The following CDH18 variants were observed in gnomAD, a reference collection of about 807,000 sequenced individuals.
CDH18 encodes the protein cadherin 18.
Under a neutral mutation model 67.9 loss-of-function variants are expected in CDH18, and 31 were observed. The ratio of observed to expected loss-of-function variants is 0.46; its 90% confidence interval spans 0.34 to 0.62. The LOEUF (loss-of-function observed/expected upper bound fraction) is 0.62, where lower values mean the gene tolerates loss of function less well. Ranked by LOEUF, CDH18 falls within the 20% of genes least tolerant of loss-of-function variation. The pLI, the probability that CDH18 is intolerant of heterozygous loss-of-function variation, is 0.01. For missense variants in CDH18, 890 were observed against 975.5 expected (o/e 0.91, Z 1.17); for synonymous variants, 362 against 347.2 (o/e 1.04, Z -0.48).
chr5:19,866,596 A>C (rs1785538127), intron 2 of CDH18, among the ~76,000 whole-genome samples: 3 of 152,002 alleles, frequency 2.0e-5, no homozygotes. Context: ...GGAAAGGTGC[A>C]GAAAAAGAAA....
At chr5:19,819,959 C>G (rs1779692273) in intron 3 of CDH18, among the ~76,000 whole-genome samples, 1 of 152,120 alleles carries the variant, frequency 6.6e-6, no homozygotes, top group Admixed American at 6.6e-5. Flanking sequence ...TTCCAGTGGC[C>G]TGAGAGCAGT....
intron 4 of CDH18, among the ~76,000 whole-genome samples, chr5:19,729,502 T>G (rs1182022211): frequency 1.3e-5 from 2 of 152,214 alleles, no homozygotes; most frequent in Non-Finnish European, 2.9e-5. Flanking sequence ...TACAATATTT[T>G]CTGCCTTTTT....
intron 3 of CDH18, among the ~76,000 whole-genome samples, chr5:19,812,431 C>T (rs948242490): frequency 2.6e-5 from 4 of 152,072 alleles, no homozygotes; most frequent in African/African-American, 9.7e-5. Flanking sequence ...GAAATTTGAA[C>T]ATTCTATGTC....
intron 1 of CDH18, among the ~76,000 whole-genome samples, chr5:20,492,470 G>A (rs1410942502): frequency 6.6e-6 from 1 of 152,076 alleles, no homozygotes. Flanking sequence ...TTGTGGAAAT[G>A]TTAAAAGGAA....
intron 8 of CDH18, among the ~76,000 whole-genome samples, chr5:19,558,106 T>G (rs1652673927): frequency 6.6e-6 from 1 of 152,008 alleles, no homozygotes; most frequent in Non-Finnish European, 1.5e-5. Flanking sequence ...ATGACAATAG[T>G]GACATGACCT....
At chr5:20,565,143 C>T (rs1030543263) in intron 1 of CDH18, among the ~76,000 whole-genome samples, 1 of 152,144 alleles carries the variant, frequency 6.6e-6, no homozygotes, top group South Asian at 2.1e-4. Flanking sequence ...AATAGCTCTT[C>T]TTTACTCAAG....
intron 5 of CDH18, among the ~76,000 whole-genome samples, chr5:19,689,095 G>A (rs996102572): frequency 6.6e-6 from 1 of 151,916 alleles, no homozygotes; most frequent in Non-Finnish European, 1.5e-5. Flanking sequence ...GATACAAAGG[G>A]CATAGAAAAC....
intron 9 of CDH18, among the ~76,000 whole-genome samples, chr5:19,524,981 G>C (rs1032481902): frequency 1.3e-5 from 2 of 152,062 alleles, no homozygotes; most frequent in Non-Finnish European, 2.9e-5. Context: ...TCCTGACCTC[G>C]TGATCCGCCG....
chr5:20,002,177 A>G (rs1033807843), intron 2 of CDH18, among the ~76,000 whole-genome samples: 7 of 152,226 alleles, frequency 4.6e-5, no homozygotes, highest in Non-Finnish European at 7.3e-5. Context: ...ATTTTACTTC[A>G]CACATTAAAG....
At chr5:20,001,327 C>G (rs1344577855) in intron 2 of CDH18, among the ~76,000 whole-genome samples, 1 of 151,928 alleles carries the variant, frequency 6.6e-6, no homozygotes, top group Non-Finnish European at 1.5e-5. Flanking sequence ...AGTACTTTCC[C>G]CTACTGAGTG....
intron 10 of CDH18, among the ~76,000 whole-genome samples, chr5:19,517,019 A>G (rs1187499864): frequency 6.6e-6 from 1 of 152,122 alleles, no homozygotes; most frequent in Non-Finnish European, 1.5e-5. Flanking sequence ...TCTGAATTTT[A>G]TGGTAGCTGC....
chr5:19,602,533 T>C (rs1469536257), intron 6 of CDH18, among the ~76,000 whole-genome samples: 2 of 151,458 alleles, frequency 1.3e-5, no homozygotes, highest in Non-Finnish European at 2.9e-5. Context: ...CCAAAAAAGA[T>C]AAAAAATTAA....
intron 5 of CDH18, among the ~76,000 whole-genome samples, chr5:19,696,254 TGTGTGTGC>T (rs61405018): frequency 0.3 from 19,934 of 65,458 alleles, 2,325 homozygotes; most frequent in African/African-American, 0.4. Flanking sequence ...TGTGTGTGTG[TGTGTGTGC>T]GTATTTTTTA....
intron 1 of CDH18, among the ~76,000 whole-genome samples, chr5:20,477,815 G>C (rs2150249839): frequency 6.6e-6 from 1 of 152,296 alleles, no homozygotes; most frequent in African/African-American, 2.4e-5. Context: ...CCAGTCTCAG[G>C]CAGCACAGCT....
At chr5:20,501,484 ATATATATTTTATATACATATTT>A (rs1754254791) in intron 1 of CDH18, among the ~76,000 whole-genome samples, 4 of 125,852 alleles carry the variant, frequency 3.2e-5, no homozygotes, top group African/African-American at 1.2e-4. Flanking sequence ...TATACATATT[ATATATATTTTATATACATATTT>A]TATATATATT....
At chr5:19,914,682 T>A (rs1172401770) in intron 2 of CDH18, among the ~76,000 whole-genome samples, 1 of 152,184 alleles carries the variant, frequency 6.6e-6, no homozygotes, top group Admixed American at 6.6e-5. Flanking sequence ...GATAAAAGAA[T>A]CAAATAATCA....
chr5:19,594,166 T>C (rs1369373924), intron 6 of CDH18, among the ~76,000 whole-genome samples: 1 of 152,098 alleles, frequency 6.6e-6, no homozygotes, highest in Non-Finnish European at 1.5e-5. Context: ...TGTTTTGTTT[T>C]GTTTTGTTTT....
intron 2 of CDH18, among the ~76,000 whole-genome samples, chr5:19,903,733 T>C (rs993703894): frequency 6.7e-6 from 1 of 148,924 alleles, no homozygotes; most frequent in East Asian, 2.0e-4. Flanking sequence ...CACTTGTCTC[T>C]GGGAAAAAAA....
chr5:20,391,468 A>G (rs1437384628), intron 1 of CDH18, among the ~76,000 whole-genome samples: 1 of 152,096 alleles, frequency 6.6e-6, no homozygotes, highest in African/African-American at 2.4e-5. Context: ...AATGTGCTAT[A>G]TAAGTACATT....
Sources: allele counts gnomAD v4.1 joint callset (sites outside exome capture counted in the v4.1 genomes callset), GRCh38; gene constraint gnomAD v4.1.1; transcripts MANE v1.5; gene names NCBI Gene and HGNC (gene_info 2026-07-23, HGNC 2026-07-21).